The following PARD3B variants were observed in gnomAD, a reference collection of about 807,000 sequenced individuals.
PARD3B encodes par-3 family cell polarity regulator beta.
Under a neutral mutation model 130.2 loss-of-function variants are expected in PARD3B, and 103 were observed. The ratio of observed to expected loss-of-function variants is 0.79; its 90% CI spans 0.67 to 0.93. The LOEUF is 0.93. PARD3B is among the 40% of genes least tolerant of loss of function. PARD3B has a pLI of 0.00. For missense variants in PARD3B, 1,609 were observed against 1,499.2 expected, an observed-to-expected ratio of 1.07 and a Z score of -1.21; for synonymous variants, 583 against 553.2, an observed-to-expected ratio of 1.05 and a Z score of -0.76.
At position 205,128,569 on chromosome 2, in the gene PARD3B, C is replaced by G. The variant is rs1241366767; in HGVS notation, c.1434+2832C>G. On this transcript the variant is annotated intron_variant, in intron 10 of 22. Transcript: ENST00000406610. The surrounding 1 kb of genome is among the most constrained non-coding windows in gnomAD (Gnocchi z 4.5). ...CGGAACATCACTCAGAGGCTGTTTC[C>G]TCATCTGTATTGTAAGAATTGTTGT... Among the ~76,000 whole-genome samples the G allele has an allele frequency of 1.3e-5, 2 of 152,154 alleles. No homozygotes were observed. Among genetic ancestry groups the G allele is most frequent in the East Asian group, 3.8e-4 (2 of 5,198 alleles).
chr2:205,185,211 A>G (rs1237191273), intron 13 of PARD3B, among the ~76,000 whole-genome samples: 2 of 151,906 alleles, frequency 1.3e-5, no homozygotes, highest in African/African-American at 2.4e-5. Context: ...CCTTAAACTC[A>G]GATGTCTCCA....
intron 14 of PARD3B, among the ~76,000 whole-genome samples, chr2:205,189,961 T>TAGATA (rs1279931116): frequency 2.0e-5 from 3 of 152,354 alleles, no homozygotes; most frequent in Admixed American, 2.0e-4. Context: ...GATAGATATG[T>TAGATA]AGATATCTCA....
At chr2:204,748,029 C>T (rs1055617604) in intron 2 of PARD3B, among the ~76,000 whole-genome samples, 2 of 151,984 alleles carry the variant, frequency 1.3e-5, no homozygotes, top group African/African-American at 4.8e-5. Context: ...ATGGGAAAAA[C>T]ATCATCATTA....
intron 2 of PARD3B, among the ~76,000 whole-genome samples, chr2:204,825,893 T>G (rs1205665940): frequency 6.6e-6 from 1 of 152,184 alleles, no homozygotes; most frequent in Non-Finnish European, 1.5e-5. Flanking sequence ...TTTCGTTGTT[T>G]TGGTTGTTGA....
Position 205,253,277 on chromosome 2 carries a change from G to A in PARD3B, c.2185+7455G>A. Reference sequence around the variant, plus strand: ...AGAGACAGGGTAGATAGACACTTAAGAGTAAAATGTATTAACACAAAGGCT... The same window carrying A: ...AGAGACAGGGTAGATAGACACTTAAAAGTAAAATGTATTAACACAAAGGCT... On this transcript the variant is annotated intron_variant, in intron 16 of 22. Transcript: ENST00000406610. This position sits in a 1 kb window ranked among gnomAD's most constrained non-coding sequence, Gnocchi z 4.4. 2.1e-6 allele frequency: 1 copy of A among 479,466 alleles called. No homozygotes were observed. 29.7% of individuals were successfully genotyped at this position (479,466 alleles called of 1,614,324 possible). A position where few individuals can be genotyped will look rare whatever the true frequency, so the allele number is the denominator to read the frequency against.
chr2:205,375,816 T>C (rs2105919420), intron 18 of PARD3B, among the ~76,000 whole-genome samples: 1 of 152,342 alleles, frequency 6.6e-6, no homozygotes, highest in East Asian at 1.9e-4. Context: ...GTCTTATTTT[T>C]AGGTAGTAGA....
At chr2:204,835,993 C>A (rs1238593855) in intron 2 of PARD3B, among the ~76,000 whole-genome samples, 1 of 152,078 alleles carries the variant, frequency 6.6e-6, no homozygotes, top group Non-Finnish European at 1.5e-5. Context: ...TTTATTGACA[C>A]CCCATTTAAA....
intron 18 of PARD3B, among the ~76,000 whole-genome samples, chr2:205,393,070 G>A (rs849235): frequency 0.88 from 133,531 of 152,216 alleles, 59,056 homozygotes; most frequent in East Asian, 0.97. Context: ...AAAGACCTTC[G>A]TGACACAAAT....
At chr2:205,493,932 T>G (rs558248742) in intron 20 of PARD3B, among the ~76,000 whole-genome samples, 1 of 151,890 alleles carries the variant, frequency 6.6e-6, no homozygotes, top group Admixed American at 6.6e-5. Context: ...AATTTTTTTT[T>G]GTATTTTTAG....
At chr2:204,600,463 A>G (rs1473530956) in intron 1 of PARD3B, among the ~76,000 whole-genome samples, 2 of 151,732 alleles carry the variant, frequency 1.3e-5, no homozygotes, top group South Asian at 4.1e-4. Context: ...TCAAACATCA[A>G]TTAGCTGTAC....
In PARD3B at chr2:205,530,507, C is replaced by T. The variant is rs2051541771; in HGVS notation, c.3181-22817C>T. On this transcript the variant is annotated intron_variant, in intron 21 of 22. Transcript: ENST00000406610. The surrounding 1 kb of genome is among the most constrained non-coding windows in gnomAD (Gnocchi z 4.7). ...CCTTTTCTGCTTTGTCTGCTTTCTT[C>T]CAGAATACAGCGTGCTCTGGTTAGT... 2.6e-5 allele frequency among the ~76,000 whole-genome samples: 4 copies of T among 152,104 alleles called. No homozygotes were observed. In the South Asian group the frequency reaches 8.3e-4, roughly 32 times the overall value.
At chr2:205,345,381 C>T (rs1222252204) in intron 18 of PARD3B, among the ~76,000 whole-genome samples, 1 of 152,118 alleles carries the variant, frequency 6.6e-6, no homozygotes, top group African/African-American at 2.4e-5. Context: ...ATGTCTCTTT[C>T]TTCTGGGTAT....
intron 1 of PARD3B, among the ~76,000 whole-genome samples, chr2:204,605,572 T>G (rs568942640): frequency 6.6e-6 from 1 of 152,206 alleles, no homozygotes; most frequent in African/African-American, 2.4e-5. Context: ...GAAGACTGTT[T>G]AGACGGTCTA....
intron 10 of PARD3B, among the ~76,000 whole-genome samples, chr2:205,157,751 T>A (rs2034267743): frequency 6.6e-6 from 1 of 152,128 alleles, no homozygotes; most frequent in African/African-American, 2.4e-5. Context: ...CAGGAGTATC[T>A]CATTGTCAGA....
chr2:205,409,285 G>A (rs1031508485), intron 19 of PARD3B, among the ~76,000 whole-genome samples: 1 of 152,014 alleles, frequency 6.6e-6, no homozygotes, highest in Non-Finnish European at 1.5e-5. Context: ...AATATAGAGA[G>A]AGAAAGAACA....
rs145892702 is a variant in PARD3B, at chr2:205,053,637, A to G, written c.504+5947A>G. Among the ~76,000 whole-genome samples, 814 of 151,116 alleles carry G rather than the reference A, an allele frequency of 5.4e-3. 6 individuals carry two copies. Among genetic ancestry groups the G allele is most frequent in the African/African-American group, 0.018 (757 of 41,138 alleles). On this transcript the variant is annotated intron_variant, in intron 4 of 22. Coordinates refer to ENST00000406610, the MANE Select transcript of PARD3B (RefSeq NM_001302769.2). The stretch of plus-strand genomic sequence containing the variant: ...CCTGGGCAGCAACAGTGAAAACTCC[A>G]TCTCAAAAAAAAAAAAAAAATTCCA...
intron 18 of PARD3B, among the ~76,000 whole-genome samples, chr2:205,378,732 A>G (rs1248720763): frequency 1.3e-5 from 2 of 151,712 alleles, no homozygotes; most frequent in Non-Finnish European, 2.9e-5. Context: ...CCCAGGTTCA[A>G]GTGATTCTCC....
intron 2 of PARD3B, among the ~76,000 whole-genome samples, chr2:204,909,932 T>C (rs1240171991): frequency 6.6e-6 from 1 of 152,170 alleles, no homozygotes; most frequent in East Asian, 1.9e-4. Flanking sequence ...AGATTCAGCA[T>C]AAATAATGTG....
intron 10 of PARD3B, among the ~76,000 whole-genome samples, chr2:205,156,275 G>GGT (rs1306611720): frequency 7.2e-6 from 1 of 138,594 alleles, no homozygotes; most frequent in African/African-American, 2.6e-5. Flanking sequence ...GGTGGGCGGG[G>GGT]GGGGGAGGAA....
Sources: allele counts gnomAD v4.1 joint callset (sites outside exome capture counted in the v4.1 genomes callset), GRCh38; gene constraint gnomAD v4.1.1; non-coding constraint Gnocchi (gnomAD v3.1); transcripts MANE v1.5; gene names NCBI Gene and HGNC (gene_info 2026-07-23, HGNC 2026-07-21).